The following ZBTB40 variants were observed in gnomAD, a reference collection of about 807,000 sequenced individuals.
The protein encoded by ZBTB40 is zinc finger and BTB domain containing 40.
A neutral mutation model predicts 117.5 loss-of-function variants in ZBTB40; 60 were observed. The observed-to-expected ratio is 0.51, with a 90% CI of 0.41 to 0.63. ZBTB40 has a LOEUF of 0.63. Ranked by LOEUF, ZBTB40 falls within the 30% of genes least tolerant of loss-of-function variation. The pLI, the probability that ZBTB40 is intolerant of heterozygous loss-of-function variation, is 0.00. For synonymous variants in ZBTB40, 525 were observed against 577.1 expected (o/e 0.91, Z 1.29); for missense variants, 1,287 against 1,498.5 (o/e 0.86, Z 2.33).
intron 1 of ZBTB40, among the ~76,000 whole-genome samples, chr1:22,469,889 G>A (rs1450972340): frequency 6.6e-6 from 1 of 152,066 alleles, no homozygotes; most frequent in African/African-American, 2.4e-5. Context: ...TCATATGTTT[G>A]CATATATTTT....
intron 1 of ZBTB40, among the ~76,000 whole-genome samples, chr1:22,454,100 C>G (rs1159980241): frequency 6.6e-6 from 1 of 152,174 alleles, no homozygotes; most frequent in Non-Finnish European, 1.5e-5. Flanking sequence ...CAGGCATGTG[C>G]CACGACACCC....
intron 1 of ZBTB40, among the ~76,000 whole-genome samples, chr1:22,445,419 C>T (rs1640776322): frequency 1.3e-5 from 2 of 152,270 alleles, no homozygotes; most frequent in Admixed American, 1.3e-4. Context: ...CACCAAAAGG[C>T]TGAGCCCTAA....
intron 3 of ZBTB40, among the ~76,000 whole-genome samples, 184 bp from the exon 4 acceptor site, chr1:22,501,306 CAG>C (rs1286267491): frequency 6.6e-6 from 1 of 152,196 alleles, no homozygotes; most frequent in South Asian, 2.1e-4. Flanking sequence ...CTCCAGAAGA[CAG>C]GGGCAGGAGC....
At chr1:22,432,601 C>T (rs1375974415) in intron 1 of ZBTB40, among the ~76,000 whole-genome samples, 1 of 152,240 alleles carries the variant, frequency 6.6e-6, no homozygotes, top group Non-Finnish European at 1.5e-5. Flanking sequence ...ACATATCCTT[C>T]ATTGCAGAAA....
Position 22,526,502 on chromosome 1 carries a change from A to C in ZBTB40, c.*106A>C. 4 of 1,417,328 alleles carry C rather than the reference A, an allele frequency of 2.8e-6. No homozygotes were observed. The highest frequency in any genetic ancestry group is 3.9e-6 in the Non-Finnish European group (4 of 1,016,430). The allele number at this position is 1,417,328 out of a possible 1,614,324, so 87.8% of individuals were successfully genotyped here. A position where few individuals can be genotyped will look rare whatever the true frequency, so the allele number is the denominator to read the frequency against. On this transcript the variant is annotated 3_prime_UTR_variant, in exon 18 of 18. Coordinates refer to ENST00000375647, the MANE Select transcript of ZBTB40 (RefSeq NM_014870.4). ...GGCTGTCCTGAGTGGTGAGCATCTT[A>C]GCTTAGCACCAACCAACACAGTCTC... is the stretch of plus-strand genomic sequence containing the variant.
chr1:22,434,837 G>A (rs923512610), intron 1 of ZBTB40, among the ~76,000 whole-genome samples: 1 of 151,942 alleles, frequency 6.6e-6, no homozygotes, highest in Admixed American at 6.6e-5. Flanking sequence ...GGCAGGGCTG[G>A]CTCTCCACAT....
intron 12 of ZBTB40, among the ~76,000 whole-genome samples, chr1:22,516,730 A>C (rs184966831): frequency 6.6e-6 from 1 of 152,276 alleles, no homozygotes; most frequent in East Asian, 1.9e-4. Flanking sequence ...CATTTCTCAC[A>C]AATGCCAGTT....
At chr1:22,430,869 TCTA>T (rs1269311173) in intron 1 of ZBTB40, among the ~76,000 whole-genome samples, 2 of 152,300 alleles carry the variant, frequency 1.3e-5, no homozygotes, top group Non-Finnish European at 2.9e-5. Flanking sequence ...AGTTCCCACT[TCTA>T]CTGCATTTGA....
In ZBTB40 at chr1:22,530,236, A is replaced by T. The variant is rs1295817898; in HGVS notation, c.*3840A>T. ...TCCCCAAGGGTGAGTTCAGCACCCCAGCCCTGTTCTGCTTGTATCCCAGTG... is the reference window on the plus strand; with the variant it reads ...TCCCCAAGGGTGAGTTCAGCACCCCTGCCCTGTTCTGCTTGTATCCCAGTG... On this transcript the variant is annotated 3_prime_UTR_variant, in exon 18 of 18. Transcript: ENST00000375647. The T allele has an allele frequency of 6.6e-6, 1 of 152,218 alleles. No individual in the cohort carries two copies. The highest frequency in any genetic ancestry group is 2.4e-5 in the African/African-American group (1 of 41,404). The allele number at this position is 152,218 out of a possible 1,614,324, so 9.4% of individuals were successfully genotyped here. A position where few individuals can be genotyped will look rare whatever the true frequency, so the allele number is the denominator to read the frequency against.
In ZBTB40 at chr1:22,429,140, T is replaced by TG. The variant is rs1416881436; in HGVS notation, c.-70+132dup. Among the ~76,000 whole-genome samples the TG allele has an allele frequency of 5.3e-5, 8 of 152,180 alleles. No individual in the cohort carries two copies. The East Asian group carries it at 1.2e-3, about 22-fold the overall frequency. On this transcript the variant is annotated intron_variant, in intron 1 of 8. Transcript: ENST00000650433. The stretch of plus-strand genomic sequence containing the variant: ...GCTCATGCCTGTAATCCCAGCACTT[T>TG]GGGGGGCCGAGGCTGGCGGATCACA...
chr1:22,517,197 A>C, intron 12 of ZBTB40, 103 bp from the exon 13 acceptor site: 1 of 1,492,936 alleles, frequency 6.7e-7, no homozygotes, highest in Non-Finnish European at 9.2e-7. Context: ...AATGTCATCT[A>C]CCAGATGATA....
At chr1:22,456,604 T>G (rs1641010366) in intron 1 of ZBTB40, among the ~76,000 whole-genome samples, 1 of 152,200 alleles carries the variant, frequency 6.6e-6, no homozygotes, top group Non-Finnish European at 1.5e-5. Context: ...TAACATCACC[T>G]AACTGAAGGC....
At position 22,515,200 on chromosome 1, in the gene ZBTB40, G is replaced by A. The variant is rs919809608; in HGVS notation, c.2668+2070G>A. Among the ~76,000 whole-genome samples, 20 of 152,266 alleles carry A rather than the reference G, an allele frequency of 1.3e-4. No individual in the cohort carries two copies. The East Asian group carries it at 3.3e-3, about 25-fold the overall frequency. ...GCAGAGCTGCCTCCCCGGTGGAAAC[G>A]AGCTTTACCTGCATGAGAGACCACA... On this transcript the variant is annotated intron_variant, in intron 12 of 17. Coordinates refer to ENST00000375647, the MANE Select transcript of ZBTB40 (RefSeq NM_014870.4).
At chr1:22,504,279 G>A (rs143832376) in intron 5 of ZBTB40, among the ~76,000 whole-genome samples, 134 of 152,224 alleles carry the variant, frequency 8.8e-4, no homozygotes, top group African/African-American at 3.0e-3. Context: ...TTATAAATAT[G>A]TTGGGTTTTG....
intron 17 of ZBTB40, among the ~76,000 whole-genome samples, chr1:22,524,702 T>C (rs1172456260): frequency 1.3e-5 from 2 of 152,198 alleles, no homozygotes; most frequent in Non-Finnish European, 2.9e-5. Context: ...CATACGTCCC[T>C]GCCTCCTGAG....
In ZBTB40 at chr1:22,481,144, A is replaced by T. The variant is rs544421039; in HGVS notation, c.-69-8736A>T. On this transcript the variant is annotated intron_variant, in intron 1 of 17. Transcript: ENST00000375647. ...GGTACCTAGGGATTTCTTTTCTTTA[A>T]TTTTTTTTCAAGCCTATGTATTTTA... Among the ~76,000 whole-genome samples, 238 of 149,236 alleles carry T rather than the reference A, an allele frequency of 1.6e-3. 1 individual carries two copies. The highest frequency in any genetic ancestry group is 5.6e-3 in the African/African-American group (228 of 40,572).
At chr1:22,457,132 T>C (rs1012494601) in intron 1 of ZBTB40, among the ~76,000 whole-genome samples, 13 of 152,072 alleles carry the variant, frequency 8.5e-5, no homozygotes, top group Non-Finnish European at 2.9e-5. Context: ...CTATTTTTTT[T>C]TTTTAAAGGA....
chr1:22,466,101 C>G (rs542301778), intron 1 of ZBTB40, among the ~76,000 whole-genome samples: 1 of 152,320 alleles, frequency 6.6e-6, no homozygotes, highest in African/African-American at 2.4e-5. Context: ...TTATTCTGGA[C>G]ATTTCATATG....
chr1:22,488,620 A>C (rs1334002036), intron 1 of ZBTB40, among the ~76,000 whole-genome samples: 1 of 152,198 alleles, frequency 6.6e-6, no homozygotes, highest in Admixed American at 6.5e-5. Context: ...AGTGAGTGGT[A>C]AAAGATGAGG....
Sources: allele counts gnomAD v4.1 joint callset (sites outside exome capture counted in the v4.1 genomes callset), GRCh38; gene constraint gnomAD v4.1.1; transcripts MANE v1.5; gene names NCBI Gene and HGNC (gene_info 2026-07-23, HGNC 2026-07-21).